The following NEK10 variants were observed in gnomAD, a reference collection of about 807,000 sequenced individuals.
NEK10 encodes the protein NIMA related kinase 10.
NEK10 carries 122 observed loss-of-function variants against 159.8 expected under a neutral mutation model. The observed-to-expected ratio is 0.76, with a 90% CI of 0.66 to 0.89. The LOEUF (loss-of-function observed/expected upper bound fraction) is 0.89, where lower values mean the gene tolerates loss of function less well. Among genes scored for constraint, NEK10 ranks in the 40% least tolerant of loss-of-function variants. The pLI, the probability that NEK10 is intolerant of heterozygous loss-of-function variation, is 0.00. For missense variants in NEK10, 1,342 were observed against 1,323.1 expected (o/e 1.01, Z -0.22); for synonymous variants, 466 against 457.1 (o/e 1.02, Z -0.25).
At chr3:27,316,950 G>A (rs1178777486) in intron 6 of NEK10, among the ~76,000 whole-genome samples, 1 of 152,322 alleles carries the variant, frequency 6.6e-6, no homozygotes, top group African/African-American at 2.4e-5. Flanking sequence ...CTAGTGTGCA[G>A]CTTTTTCTAA....
At chr3:27,273,030 G>A (rs2041493700) in intron 22 of NEK10, among the ~76,000 whole-genome samples, 1 of 152,144 alleles carries the variant, frequency 6.6e-6, no homozygotes, top group African/African-American at 2.4e-5. Flanking sequence ...ATGGTGACTG[G>A]GTTAACATCT....
At position 27,325,225 on chromosome 3, in the gene NEK10, A is replaced by G. The variant is rs568580057; in HGVS notation, c.363-2964T>C. Among the ~76,000 whole-genome samples, 264 of 152,326 alleles carry G rather than the reference A, an allele frequency of 1.7e-3. 3 individuals carry two copies. The highest frequency in any genetic ancestry group is 3.1e-3 in the Non-Finnish European group (212 of 68,010). On this transcript the variant is annotated intron_variant, in intron 5 of 35. Coordinates refer to ENST00000691995, the MANE Select transcript of NEK10 (RefSeq NM_001394966.1). ...CTAGTTCCATAGTGGTGCTTGGTGC[A>G]CACGTTAACAAAAGCCTAAAACACA...
intron 31 of NEK10, among the ~76,000 whole-genome samples, chr3:27,136,164 G>C (rs1447978078): frequency 7.5e-6 from 1 of 133,036 alleles, no homozygotes; most frequent in East Asian, 2.4e-4. Flanking sequence ...CCAGGCTGGA[G>C]TGCAGTGGCG....
At chr3:27,177,017 C>G (rs1023100282) in intron 26 of NEK10, among the ~76,000 whole-genome samples, 3 of 152,086 alleles carry the variant, frequency 2.0e-5, no homozygotes, top group Non-Finnish European at 4.4e-5. Flanking sequence ...AAGCTGGAGT[C>G]CCCGCTGAAA....
chr3:27,260,983 T>G (rs566529360), intron 22 of NEK10, among the ~76,000 whole-genome samples: 10 of 152,340 alleles, frequency 6.6e-5, no homozygotes, highest in African/African-American at 2.2e-4. Flanking sequence ...TATCCATTTC[T>G]TCTAGATTTT....
At chr3:27,160,370 C>T (rs749320046) in intron 30 of NEK10, among the ~76,000 whole-genome samples, 4 of 152,148 alleles carry the variant, frequency 2.6e-5, no homozygotes, top group Non-Finnish European at 5.9e-5. Flanking sequence ...CTGGCACCAG[C>T]TGTTTATAAT....
chr3:27,138,323 T>G lies in NEK10; in HGVS notation c.2970+3159A>C, dbSNP rs528580984. 2.0e-5 allele frequency among the ~76,000 whole-genome samples: 3 copies of G among 152,304 alleles called. No homozygotes were observed. The South Asian group carries it at 6.2e-4, about 32-fold the overall frequency. ...TAAGTTCCAGGGCACAGTACCTCAC[T>G]GTGGAGGGCTTGCCCAGGTCCCCCA... On this transcript the variant is annotated intron_variant, in intron 31 of 35. Transcript: ENST00000691995.
chr3:27,148,379 T>C (rs1050565629), intron 30 of NEK10, among the ~76,000 whole-genome samples: 1 of 152,198 alleles, frequency 6.6e-6, no homozygotes, highest in Non-Finnish European at 1.5e-5. Context: ...AACACATGGA[T>C]AGATTCTTAG....
intron 26 of NEK10, among the ~76,000 whole-genome samples, chr3:27,177,292 C>A (rs1319720933): frequency 3.9e-5 from 6 of 152,092 alleles, no homozygotes; most frequent in Non-Finnish European, 8.8e-5. Context: ...TCCTGCAATT[C>A]CAGCACTTTG....
chr3:27,275,847 T>A (rs928954157), intron 22 of NEK10, among the ~76,000 whole-genome samples: 2 of 152,190 alleles, frequency 1.3e-5, no homozygotes, highest in African/African-American at 4.8e-5. Flanking sequence ...ATTCTGGCAA[T>A]ACAGGGTAGG....
chr3:27,201,505 A>G lies in NEK10; in HGVS notation c.2291+5T>C, dbSNP rs750797058. 1 of 1,613,298 alleles carries G rather than the reference A, an allele frequency of 6.2e-7. No homozygotes were observed. The highest frequency in any genetic ancestry group is 8.5e-7 in the Non-Finnish European group (1 of 1,179,388). ...CTACATGTCTGAAGCCGCAAGACTA[A>G]TTACCTGCTGATGGTGTCTGTTACT... On this transcript the variant is annotated splice_donor_5th_base_variant and intron_variant, in intron 25 of 35. Transcript: ENST00000691995.
At chr3:27,180,039 C>G (rs1000523215) in intron 26 of NEK10, among the ~76,000 whole-genome samples, 2 of 152,050 alleles carry the variant, frequency 1.3e-5, no homozygotes, top group Non-Finnish European at 2.9e-5. Context: ...TGAGATCATA[C>G]TACTGCACTC....
At chr3:27,314,644 G>A (rs2045008143) in intron 6 of NEK10, among the ~76,000 whole-genome samples, 1 of 152,138 alleles carries the variant, frequency 6.6e-6, no homozygotes, top group South Asian at 2.1e-4. Context: ...AGAGCCATTA[G>A]ACACCATTTC....
Position 27,199,458 on chromosome 3 carries a change from C to G in NEK10, c.2291+2052G>C, listed in dbSNP as rs188208695. ...CTATTATTAAAAAGTCAAAAAATAACAGATGCTGGAAAGGTTCAGCGAAAA... is the reference window on the plus strand; with the variant it reads ...CTATTATTAAAAAGTCAAAAAATAAGAGATGCTGGAAAGGTTCAGCGAAAA... On this transcript the variant is annotated intron_variant, in intron 25 of 35. Transcript: ENST00000691995. Among the ~76,000 whole-genome samples, 235 of 152,248 alleles carry G rather than the reference C, an allele frequency of 1.5e-3. 1 individual carries two copies. The highest frequency in any genetic ancestry group is 5.4e-3 in the African/African-American group (225 of 41,558).
chr3:27,120,676 T>C (rs1941179389), intron 32 of NEK10, among the ~76,000 whole-genome samples: 4 of 152,186 alleles, frequency 2.6e-5, no homozygotes, highest in Non-Finnish European at 5.9e-5. Context: ...TAATTAATTT[T>C]AATCTCCAAA....
At chr3:27,238,709 C>A (rs1954221674) in intron 23 of NEK10, among the ~76,000 whole-genome samples, 1 of 150,434 alleles carries the variant, frequency 6.6e-6, no homozygotes, top group African/African-American at 2.5e-5. Flanking sequence ...TACTGTATTA[C>A]CAGCTTAGTG....
rs1425501985 is a variant in NEK10 at position 27,236,961 on chromosome 3, G to C, written c.2090+19335C>G. Among the ~76,000 whole-genome samples the C allele has an allele frequency of 3.3e-5, 5 of 152,066 alleles. No homozygotes were observed. The South Asian group carries it at 6.2e-4, about 19-fold the overall frequency. On this transcript the variant is annotated intron_variant, in intron 23 of 35. Transcript: ENST00000691995. The stretch of plus-strand genomic sequence containing the variant: ...CTGCAGGAGACCAGGGCATATTTCT[G>C]TCCTTATCTCAACCGCATAAGACAG...
At position 27,290,634 on chromosome 3, in the gene NEK10, T is replaced by C. The variant is rs1186260248; in HGVS notation, c.1726A>G (p.Thr576Ala). ...SSVRNIVSELTIIKEQLYHPN... is the reference protein window; with the variant it reads ...SSVRNIVSELAIIKEQLYHPN... ...ACATTTACCTGCTCTTTAATTATTG[T>C]TAATTCAGAAACAATATTCCTTACG... The change falls in exon 19 of 36, where the codon ACA becomes GCA. Residue 576 changes from threonine to alanine, a missense_variant. Coordinates refer to ENST00000691995, the MANE Select transcript of NEK10 (RefSeq NM_001394966.1). 8 of 1,593,936 alleles carry C rather than the reference T, an allele frequency of 5.0e-6. No homozygotes were observed. In the African/African-American group the frequency reaches 1.1e-4, roughly 22 times the overall value.
intron 9 of NEK10, chr3:27,309,234 T>A (rs2044490151): frequency 1.5e-5 from 4 of 264,586 alleles, no homozygotes; most frequent in Non-Finnish European, 7.2e-6. Context: ...CTCTCTTATG[T>A]TTTTTTCTTA....
Sources: allele counts gnomAD v4.1 joint callset (sites outside exome capture counted in the v4.1 genomes callset), GRCh38; gene constraint gnomAD v4.1.1; transcripts MANE v1.5; gene names NCBI Gene and HGNC (gene_info 2026-07-23, HGNC 2026-07-21).